RAB27B: variants seen among roughly 807,000 people sequenced by gnomAD.
The protein encoded by RAB27B is RAB27B, member RAS oncogene family.
RAB27B carries 15 observed loss-of-function variants against 24.6 expected under a neutral mutation model. The observed-to-expected ratio is 0.61, with a 90% CI of 0.41 to 0.94. RAB27B has a LOEUF of 0.94. RAB27B is among the 40% of genes least tolerant of loss of function. RAB27B has a pLI of 0.00. For synonymous variants in RAB27B, 105 were observed against 92.5 expected (o/e 1.14, Z -0.78); for missense variants, 261 against 266.8 (o/e 0.98, Z 0.15).
chr18:54,883,979 G>A (rs1016961441), intron 3 of RAB27B, among the ~76,000 whole-genome samples: 2 of 152,096 alleles, frequency 1.3e-5, no homozygotes. Context: ...GAAAGTATAG[G>A]TTAAAGTCCC....
At chr18:54,825,231 GT>G (rs1910434310), upstream of RAB27B, among the ~76,000 whole-genome samples, 1 of 152,122 alleles carries the variant, frequency 6.6e-6, no homozygotes. Flanking sequence ...TCTGGAAGAT[GT>G]TTTAGGTTTT....
intron 2 of RAB27B, among the ~76,000 whole-genome samples, chr18:54,764,048 A>C (rs1209091383): frequency 2.6e-5 from 4 of 152,124 alleles, no homozygotes; most frequent in Non-Finnish European, 4.4e-5. Context: ...TCAGGAGACT[A>C]TTCTCTGTCT....
intron 2 of RAB27B, among the ~76,000 whole-genome samples, chr18:54,790,147 AACAC>A (rs565826330): frequency 3.3e-5 from 5 of 152,250 alleles, no homozygotes; most frequent in South Asian, 2.1e-4. Context: ...TTTTTATTAA[AACAC>A]ACACACAATT....
At position 54,748,675 on chromosome 18, in the gene RAB27B, A is replaced by G. The variant is rs151314001; in HGVS notation, c.-20+30534A>G. 1.8e-3 allele frequency among the ~76,000 whole-genome samples: 281 copies of G among 152,322 alleles called. 5 individuals carry two copies. The East Asian group carries it at 0.022, about 12-fold the overall frequency. ...AGGTGATTCTGACACAGATGCATAG[A>G]CATTGCATTTTCACAAACAGTGGTG... On this transcript the variant is annotated intron_variant, in intron 2 of 4. Transcript: ENST00000586570.
At chr18:54,783,404 A>C (rs1908977898) in intron 2 of RAB27B, among the ~76,000 whole-genome samples, 1 of 152,120 alleles carries the variant, frequency 6.6e-6, no homozygotes, top group Non-Finnish European at 1.5e-5. Flanking sequence ...CATTTGTAAG[A>C]AGCATTTTAA....
At chr18:54,883,749 A>G (rs1240572067) in intron 3 of RAB27B, among the ~76,000 whole-genome samples, 3 of 152,136 alleles carry the variant, frequency 2.0e-5, no homozygotes, top group African/African-American at 4.8e-5. Flanking sequence ...CAGTCCTCCA[A>G]TCATCTTCCT....
chr18:54,842,821 GT>G (rs1300657260), intron 1 of RAB27B, among the ~76,000 whole-genome samples: 2 of 152,252 alleles, frequency 1.3e-5, no homozygotes, highest in East Asian at 3.9e-4. Flanking sequence ...TTGAGATGGA[GT>G]CTCATTCTGT....
At chr18:54,860,375 CT>C (rs1173775632) in intron 1 of RAB27B, among the ~76,000 whole-genome samples, 2 of 152,140 alleles carry the variant, frequency 1.3e-5, no homozygotes, top group Non-Finnish European at 2.9e-5. Flanking sequence ...AAAGCTTCTG[CT>C]TCCATCTAAG....
At chr18:54,791,508 A>G (rs1482798619) in intron 2 of RAB27B, among the ~76,000 whole-genome samples, 2 of 152,164 alleles carry the variant, frequency 1.3e-5, no homozygotes, top group Non-Finnish European at 2.9e-5. Context: ...CAAAAGGTCA[A>G]GGGAGTCCTG....
chr18:54,840,822 T>G (rs1180458816), intron 1 of RAB27B, among the ~76,000 whole-genome samples: 3 of 152,056 alleles, frequency 2.0e-5, no homozygotes, highest in African/African-American at 7.2e-5. Flanking sequence ...CAATAAGTTC[T>G]CAGTTTCCCA....
intron 1 of RAB27B, among the ~76,000 whole-genome samples, chr18:54,861,646 G>A (rs1418442895): frequency 1.3e-5 from 2 of 152,178 alleles, no homozygotes; most frequent in Admixed American, 1.3e-4. Context: ...AAGAGGTAGG[G>A]CAGTGCTTCT....
chr18:54,894,513 C>T lies in RAB27B; in HGVS notation c.*5100C>T, dbSNP rs1913493899. The T allele has an allele frequency of 1.3e-5, 2 of 151,968 alleles. No individual in the cohort carries two copies. Among genetic ancestry groups the T allele is most frequent in the Non-Finnish European group, 2.9e-5 (2 of 67,922 alleles). The allele number at this position is 151,968 out of a possible 1,614,324, so 9.4% of individuals were successfully genotyped here. ...TAGAAAAGTAATAACATATGCTTATCTTTATTCTTTTTCCAGGTGATTTTG... is the reference window on the plus strand; with the variant it reads ...TAGAAAAGTAATAACATATGCTTATTTTTATTCTTTTTCCAGGTGATTTTG... On this transcript the variant is annotated 3_prime_UTR_variant, in exon 6 of 6. Transcript: ENST00000262094.
intron 2 of RAB27B, among the ~76,000 whole-genome samples, chr18:54,749,055 A>T (rs528501124): frequency 2.1e-4 from 32 of 152,292 alleles, no homozygotes; most frequent in African/African-American, 7.7e-4. Context: ...TGCCCTTAGA[A>T]GAATAGGTGA....
intron 2 of RAB27B, among the ~76,000 whole-genome samples, chr18:54,761,151 T>C (rs1014012589): frequency 2.0e-5 from 3 of 152,162 alleles, no homozygotes; most frequent in African/African-American, 7.2e-5. Context: ...TCAGCTTAAA[T>C]TGATACCAGA....
At chr18:54,775,898 C>T (rs1046122093) in intron 2 of RAB27B, among the ~76,000 whole-genome samples, 1 of 152,176 alleles carries the variant, frequency 6.6e-6, no homozygotes, top group Admixed American at 6.5e-5. Context: ...CGTCTAGGTG[C>T]CTTGCAGTGC....
At chr18:54,873,685 C>CTGTGTGTGTGTGTGTGTG (rs56409312) in intron 1 of RAB27B, among the ~76,000 whole-genome samples, 1 of 140,760 alleles carries the variant, frequency 7.1e-6, no homozygotes, top group Non-Finnish European at 1.5e-5. Context: ...GAGCCAAATC[C>CTGTGTGTGTGTGTGTGTG]TGTGTGTGTG....
rs187441989 is a variant in RAB27B at position 54,802,481 on chromosome 18, A to G, written c.-19-75086A>G. Among the ~76,000 whole-genome samples, 22 of 152,152 alleles carry G rather than the reference A, an allele frequency of 1.4e-4. No individual in the cohort carries two copies. In the East Asian group the frequency reaches 3.7e-3, roughly 25 times the overall value. ...AGTAATCTCTTAATTTATGTCCAAGATTGCTCCTTTCTGTTTTGACTGAAC... is the reference window on the plus strand; with the variant it reads ...AGTAATCTCTTAATTTATGTCCAAGGTTGCTCCTTTCTGTTTTGACTGAAC... On this transcript the variant is annotated intron_variant, in intron 2 of 4. Coordinates refer to the RAB27B transcript ENST00000586570.
At chr18:54,876,878 A>G (rs1334520773) in intron 1 of RAB27B, among the ~76,000 whole-genome samples, 39 of 152,022 alleles carry the variant, frequency 2.6e-4, no homozygotes, top group Non-Finnish European at 1.0e-4. Context: ...TCCTCTTCCT[A>G]ATACCATCCT....
intron 2 of RAB27B, among the ~76,000 whole-genome samples, chr18:54,767,199 C>T (rs1908390312): frequency 6.6e-6 from 1 of 152,268 alleles, no homozygotes; most frequent in South Asian, 2.1e-4. Flanking sequence ...ATACTTTCTC[C>T]ATTTGCTCTC....
Sources: gnomAD v4.1 joint callset for allele counts (sites outside exome capture counted in the v4.1 genomes callset) on GRCh38, gnomAD v4.1.1 for gene constraint, MANE v1.5 for transcripts, NCBI Gene and HGNC (gene_info 2026-07-23, HGNC 2026-07-21) for gene names.